Variants in CBX3 observed in about 807,000 individuals in gnomAD.
CBX3 encodes chromobox 3, also known as chromobox protein homolog 3.
Under a neutral mutation model 22.6 loss-of-function variants are expected in CBX3, and 5 were observed. The observed-to-expected ratio is 0.22, with a 90% CI of 0.12 to 0.47. The LOEUF is 0.47. CBX3 is among the 20% of genes least tolerant of loss of function. CBX3 has a pLI of 0.99. For missense variants in CBX3, 83 were observed against 208.1 expected (o/e 0.40, Z 3.70); for synonymous variants, 50 against 66.6 (o/e 0.75, Z 1.21).
chr7:26,203,114 A>T, intron 2 of CBX3, 92 bp downstream of exon 2: 1 of 744,132 alleles, frequency 1.3e-6, no homozygotes, highest in Non-Finnish European at 2.2e-6. Flanking sequence ...TGAGAAATTT[A>T]CATCCACATA....
Position 26,212,976 on chromosome 7 carries a change from T to G in CBX3, c.*768T>G, listed in dbSNP as rs1284470063. ...AACAAAACTAAGTTAAATGAACATT[T>G]AAAAGTTTCCCTAGCGGGCCATTCC... On this transcript the variant is annotated 3_prime_UTR_variant, in exon 6 of 6. Transcript: ENST00000396386. 3 of 152,288 alleles carry G rather than the reference T, an allele frequency of 2.0e-5. No homozygotes were observed. In the South Asian group the frequency reaches 6.2e-4, roughly 31 times the overall value. The allele number at this position is 152,288 out of a possible 1,614,324, so 9.4% of individuals were successfully genotyped here. A position where few individuals can be genotyped will look rare whatever the true frequency, so the allele number is the denominator to read the frequency against.
At chr7:26,209,803 G>A (rs1388129967) in intron 4 of CBX3, 1 of 152,106 alleles carries the variant, frequency 6.6e-6, no homozygotes, top group Admixed American at 6.6e-5. Flanking sequence ...GCAATTTGGG[G>A]AAACATCTTG....
At chr7:26,206,584 G>T in intron 3 of CBX3, 74 bp downstream of exon 3, 1 of 1,400,400 alleles carries the variant, frequency 7.1e-7, no homozygotes, top group Non-Finnish European at 1.0e-6. Context: ...TTTTAACCTG[G>T]CTCTTTTACC....
chr7:26,203,513 TAGA>T (rs979710630), intron 2 of CBX3, among the ~76,000 whole-genome samples: 128 of 152,222 alleles, frequency 8.4e-4, no homozygotes, highest in African/African-American at 3.0e-3. Context: ...CTCTAAAACA[TAGA>T]AGAATATTAA....
At chr7:26,211,470 A>G (rs1784801990) in intron 4 of CBX3, among the ~76,000 whole-genome samples, 192 bp from the exon 5 acceptor site, 1 of 152,216 alleles carries the variant, frequency 6.6e-6, no homozygotes. Context: ...AATTTTAAGT[A>G]TTCTACGTTG....
At chr7:26,204,823 C>T (rs967134924) in intron 2 of CBX3, among the ~76,000 whole-genome samples, 3 of 152,038 alleles carry the variant, frequency 2.0e-5, no homozygotes, top group Non-Finnish European at 4.4e-5. Context: ...GAGTTTTTCT[C>T]TTGTTGTCCA....
chr7:26,211,832 A>G lies in CBX3; in HGVS notation c.425+76A>G, dbSNP rs965306929. The G allele has an allele frequency of 2.7e-6, 3 of 1,131,016 alleles. No individual in the cohort carries two copies. The Admixed American group carries it at 7.4e-5, about 28-fold the overall frequency. 70.1% of individuals were successfully genotyped at this position (1,131,016 alleles called of 1,614,324 possible). A position where few individuals can be genotyped will look rare whatever the true frequency, so the allele number is the denominator to read the frequency against. ...TTAATTTGTGAAATGGTTTTTCATC[A>G]TTAGGTAGGGAAAAACTATCTGCTG... On this transcript the variant is annotated intron_variant, in intron 5 of 5. Coordinates refer to ENST00000396386, the MANE Select transcript of CBX3 (RefSeq NM_016587.4).
intron 4 of CBX3, among the ~76,000 whole-genome samples, chr7:26,209,418 G>A (rs906723532): frequency 6.6e-6 from 1 of 152,098 alleles, no homozygotes; most frequent in Admixed American, 6.5e-5. Flanking sequence ...CCAATTACCT[G>A]TGATCCAAGG....
Position 26,208,377 on chromosome 7 carries a change from A to G in CBX3, c.168-16A>G. 1 of 1,493,968 alleles carries G rather than the reference A, an allele frequency of 6.7e-7. No homozygotes were observed. The highest frequency in any genetic ancestry group is 1.3e-5 in the South Asian group (1 of 78,086). The allele number at this position is 1,493,968 out of a possible 1,614,324, so 92.5% of individuals were successfully genotyped here. ...TAATTCAATCACCTTTTTTTTTTTT[A>G]ATAAACTAAACACAGTGCTGACAAT... On this transcript the variant is annotated splice_polypyrimidine_tract_variant and intron_variant, in intron 3 of 5. Transcript: ENST00000396386.
chr7:26,209,167 AGAGTGCTGGGATTACAGGC>A (rs1784749890), intron 4 of CBX3, among the ~76,000 whole-genome samples: 1 of 152,006 alleles, frequency 6.6e-6, no homozygotes, highest in Non-Finnish European at 1.5e-5. Context: ...TCGGCCTCCC[AGAGTGCTGGGATTACAGGC>A]GTGAACCACC....
rs575647352 is a variant in CBX3, at chr7:26,204,230, C to T, written c.24+1208C>T. 3.9e-3 allele frequency among the ~76,000 whole-genome samples: 554 copies of T among 141,860 alleles called. 2 individuals carry two copies. Among genetic ancestry groups the T allele is most frequent in the African/African-American group, 0.015 (532 of 36,168 alleles). 93.1% of individuals were successfully genotyped at this position (141,860 alleles called of 152,430 possible). ...TGAATACTGTATGGCATTTTGTCTG[C>T]CTTTTTTTTTTTGTAAACCTTAGTG... On this transcript the variant is annotated intron_variant, in intron 2 of 5. Transcript: ENST00000396386.
chr7:26,206,752 G>A (rs1784685228), intron 3 of CBX3, among the ~76,000 whole-genome samples: 1 of 152,118 alleles, frequency 6.6e-6, no homozygotes, highest in African/African-American at 2.4e-5. Context: ...ATAAAATTAT[G>A]GAGTGTAGTT....
At chr7:26,204,748 A>T (rs1007194951) in intron 2 of CBX3, among the ~76,000 whole-genome samples, 3 of 151,868 alleles carry the variant, frequency 2.0e-5, no homozygotes, top group African/African-American at 7.3e-5. Context: ...TTAATGATTG[A>T]GCAATTAAGG....
In CBX3 at chr7:26,202,997, A is replaced by G. The variant is rs1168860785; in HGVS notation, c.-2A>G. On this transcript the variant is annotated 5_prime_UTR_variant, in exon 2 of 6. Transcript: ENST00000396386. ...AATAGCTCTTCAAGTCTGCAATAAA[A>G]AATGGCCTCCAACAAAACTACATTG... 2.0e-5 allele frequency: 32 copies of G among 1,609,434 alleles called. No homozygotes were observed. The highest frequency in any genetic ancestry group is 2.6e-5 in the Non-Finnish European group (30 of 1,176,178).
At chr7:26,211,178 A>G (rs1365677367) in intron 4 of CBX3, among the ~76,000 whole-genome samples, 1 of 152,124 alleles carries the variant, frequency 6.6e-6, no homozygotes, top group African/African-American at 2.4e-5. Flanking sequence ...CACAGGTTAC[A>G]CAAGTTTGTT....
chr7:26,211,851 T>A, intron 5 of CBX3, 95 bp downstream of exon 5: 1 of 971,368 alleles, frequency 1.0e-6, no homozygotes, highest in Non-Finnish European at 1.5e-6. Flanking sequence ...GGAAAAACTA[T>A]CTGCTGAGAG....
Position 26,203,097 on chromosome 7 carries a change from CTG to C in CBX3, c.24+78_24+79del, listed in dbSNP as rs1048265495. ...TTCCCCACAGTATAACTTTGCATCT[CTG>C]TGGCTGAGAAATTTACATCCACATA... is the stretch of plus-strand genomic sequence containing the variant. On this transcript the variant is annotated intron_variant, in intron 2 of 5. Transcript: ENST00000396386. The C allele has an allele frequency of 7.0e-5, 63 of 902,314 alleles. 1 individual carries two copies. In the African/African-American group the frequency reaches 8.4e-4, roughly 12 times the overall value. 55.9% of individuals were successfully genotyped at this position (902,314 alleles called of 1,614,324 possible).
At position 26,213,513 on chromosome 7, in the gene CBX3, T is replaced by C. The variant is rs911018000; in HGVS notation, c.*1305T>C. 1.3e-5 allele frequency among the ~76,000 whole-genome samples: 2 copies of C among 152,198 alleles called. No individual in the cohort carries two copies. The highest frequency in any genetic ancestry group is 2.9e-5 in the Non-Finnish European group (2 of 68,036). On this transcript the variant is annotated 3_prime_UTR_variant, in exon 6 of 6. Coordinates refer to ENST00000396386, the MANE Select transcript of CBX3 (RefSeq NM_016587.4). ...AGCTTACGAGTTTTAAACTTGAATA[T>C]GTATTTCCACAGGAATGTTTCCACA...
chr7:26,209,726 G>A (rs1351607919), intron 4 of CBX3, among the ~76,000 whole-genome samples: 1 of 152,120 alleles, frequency 6.6e-6, no homozygotes, highest in African/African-American at 2.4e-5. Flanking sequence ...GGCAAATCAG[G>A]TAACTTCTTA....
Sources: allele counts gnomAD v4.1 joint callset (sites outside exome capture counted in the v4.1 genomes callset), GRCh38; gene constraint gnomAD v4.1.1; transcripts MANE v1.5; gene names NCBI Gene and HGNC (gene_info 2026-07-23, HGNC 2026-07-21).